PROX2: variants seen among roughly 807,000 people sequenced by gnomAD.
The protein encoded by PROX2 is prospero homeobox 2.
A neutral mutation model predicts 48.9 loss-of-function variants in PROX2; 46 were observed. That is an observed-to-expected ratio of 0.94 (90% CI 0.74 to 1.20). The LOEUF (loss-of-function observed/expected upper bound fraction) is 1.20. PROX2 is among the 50% of genes most tolerant of loss of function. PROX2 has a pLI of 0.00. For synonymous variants in PROX2, 260 were observed against 276.6 expected (o/e 0.94, Z 0.60); for missense variants, 663 against 719.4 (o/e 0.92, Z 0.90).
Position 74,856,821 on chromosome 14 carries a change from T to TG in PROX2, c.1587dup (p.Asn530GlnfsTer5). 1 of 1,613,940 alleles carries TG rather than the reference T, an allele frequency of 6.2e-7. No homozygotes were observed. Among genetic ancestry groups the TG allele is most frequent in the Non-Finnish European group, 8.5e-7 (1 of 1,179,838 alleles). ...CTTACCTCAAAGTCATTTCCCTTGT[T>TG]GTAGTGCATATTGAGAGCTTGAAAA... On this transcript the variant is annotated frameshift_variant, in exon 5 of 6. Transcript: ENST00000556489. LOFTEE classifies it high-confidence loss of function.
rs1054326762 is a variant in PROX2 at position 74,853,698 on chromosome 14, G to T, written c.*1434C>A. 6.6e-6 allele frequency: 1 copy of T among 152,126 alleles called. No homozygotes were observed. Among genetic ancestry groups the T allele is most frequent in the African/African-American group, 2.4e-5 (1 of 41,424 alleles). The allele number at this position is 152,126 out of a possible 1,614,324, so 9.4% of individuals were successfully genotyped here. A position where few individuals can be genotyped will look rare whatever the true frequency, so the allele number is the denominator to read the frequency against. On this transcript the variant is annotated 3_prime_UTR_variant, in exon 6 of 6. Transcript: ENST00000556489. The stretch of plus-strand genomic sequence containing the variant: ...ATATGAAACTTGTTTTATATAGACA[G>T]GAAAGAAGCTAATGAACTCACAGAC...
At position 74,863,247 on chromosome 14, in the gene PROX2, G is replaced by A. The variant is rs1304382490; in HGVS notation, c.588C>T (p.Thr196=). Residue 196 remains threonine, a synonymous_variant, in exon 3 of 6, where the codon ACC becomes ACT. Coordinates refer to ENST00000556489, the MANE Select transcript of PROX2 (RefSeq NM_001243007.2). ...TTTCTGCCCCAGAGAGGTCCTTGCTGGTACCTTGCTGGTGGTCACCGTCCA... is the reference window on the plus strand; with the variant it reads ...TTTCTGCCCCAGAGAGGTCCTTGCTAGTACCTTGCTGGTGGTCACCGTCCA... ...WVVDGDHQQG[T]SKDLSGAEKH... 1.9e-6 allele frequency: 3 copies of A among 1,613,770 alleles called. No homozygotes were observed. Among genetic ancestry groups the A allele is most frequent in the Non-Finnish European group, 2.5e-6 (3 of 1,179,828 alleles).
Position 74,862,892 on chromosome 14 carries a change from G to A in PROX2, c.943C>T (p.Pro315Ser). 2 of 1,613,820 alleles carry A rather than the reference G, an allele frequency of 1.2e-6. No homozygotes were observed. Among genetic ancestry groups the A allele is most frequent in the African/African-American group, 1.3e-5 (1 of 75,020 alleles). Residue 315 changes from proline to serine, a missense_variant, in exon 3 of 6, where the codon CCT becomes TCT. Pro to Ser is a moderately conservative substitution (Grantham distance 74). Coordinates refer to ENST00000556489, the MANE Select transcript of PROX2 (RefSeq NM_001243007.2). ...LAKRLDSPRY[P>S]IPPRMTPKPC... The stretch of plus-strand genomic sequence containing the variant: ...TTGGGGGTCATTCTTGGAGGGATAG[G>A]GTACCTAGGAGAATCTAGACGCTTG...
chr14:74,866,898 GA>G (rs1486714199), intron 2 of PROX2, among the ~76,000 whole-genome samples: 2 of 152,198 alleles, frequency 1.3e-5, no homozygotes, highest in Non-Finnish European at 2.9e-5. Context: ...ATGTAGGCAA[GA>G]GGGGGAGAAT....
chr14:74,863,407 A>G lies in PROX2; in HGVS notation c.428T>C (p.Leu143Pro). Residue 143 changes from leucine to proline, a missense_variant, in exon 3 of 6, where the codon CTA becomes CCA. Coordinates refer to ENST00000556489, the MANE Select transcript of PROX2 (RefSeq NM_001243007.2). ...TAGGATGTGCTCTTGCAGATGTCTT[A>G]GCTGTTGCTTCAGCAGATGAAGTTG... ...REQLHLLKQQLRHLQEHILQA... is the reference protein window; with the variant it reads ...REQLHLLKQQPRHLQEHILQA... The G allele has an allele frequency of 1.2e-6, 2 of 1,613,560 alleles. No homozygotes were observed. Among genetic ancestry groups the G allele is most frequent in the Non-Finnish European group, 1.7e-6 (2 of 1,179,650 alleles).
chr14:74,874,207 G>C, intron 1 of PROX2: 1 of 430,672 alleles, frequency 2.3e-6, no homozygotes, highest in South Asian at 1.7e-5. Flanking sequence ...AATCAAGATA[G>C]ATATGATTTC....
chr14:74,869,815 C>T (rs1031105211), intron 2 of PROX2, among the ~76,000 whole-genome samples: 3 of 152,054 alleles, frequency 2.0e-5, no homozygotes, highest in Admixed American at 6.6e-5. Flanking sequence ...AGTAATCTTG[C>T]TCAGTTTTCA....
At chr14:74,858,021 CA>C (rs2091760283) in intron 4 of PROX2, 2 of 156,402 alleles carry the variant, frequency 1.3e-5, no homozygotes, top group African/African-American at 4.8e-5. Flanking sequence ...CTCGGCCTCC[CA>C]AAGTGCTGGG....
intron 3 of PROX2, chr14:74,861,310 A>G: frequency 2.1e-6 from 2 of 956,574 alleles, no homozygotes; most frequent in Non-Finnish European, 3.0e-6. Context: ...AAAAAGCAAC[A>G]TCCAAAATAT....
At chr14:74,870,766 G>A (rs547901974) in intron 2 of PROX2, among the ~76,000 whole-genome samples, 1 of 152,152 alleles carries the variant, frequency 6.6e-6, no homozygotes, top group South Asian at 2.1e-4. Flanking sequence ...TAGGCCGGGC[G>A]CAGGGGCTCA....
chr14:74,875,027 C>G (rs537937824), intron 1 of PROX2, among the ~76,000 whole-genome samples: 1 of 152,176 alleles, frequency 6.6e-6, no homozygotes, highest in East Asian at 1.9e-4. Context: ...TGCCTGTAAT[C>G]CCAGCTACTC....
At position 74,863,732 on chromosome 14, in the gene PROX2, C is replaced by T. The variant is rs180960227; in HGVS notation, c.103G>A (p.Asp35Asn). The change falls in exon 3 of 6, where the codon GAT (aspartate) becomes AAT (asparagine). Residue 35 changes from aspartate (D) to asparagine (N), a missense_variant. Coordinates refer to ENST00000556489, the MANE Select transcript of PROX2 (RefSeq NM_001243007.2). ...CTCCAGGGAAACGGGGAGTCTCTAT[C>T]CAGCTCTGGAGGGGATGAGCTTCTC... ...GERSSSPPELDRDSPFPWSQV... is the reference protein window; with the variant it reads ...GERSSSPPELNRDSPFPWSQV... 3.0e-3 allele frequency: 4,587 copies of T among 1,533,764 alleles called. 59 individuals are homozygous for T. Among genetic ancestry groups the T allele is most frequent in the Middle Eastern group, 0.027 (151 of 5,644 alleles).
intron 3 of PROX2, among the ~76,000 whole-genome samples, chr14:74,859,635 C>G (rs1468167399): frequency 6.6e-6 from 1 of 152,174 alleles, no homozygotes; most frequent in Non-Finnish European, 1.5e-5. Flanking sequence ...AGGGACAGTC[C>G]TTAGGCTGGG....
rs374223760 is a variant in PROX2 at position 74,861,158 on chromosome 14, C to T, written c.1305+1372G>A. 2.5e-5 allele frequency: 33 copies of T among 1,308,446 alleles called. No homozygotes were observed. The African/African-American group carries it at 3.7e-4, about 15-fold the overall frequency. 81.1% of individuals were successfully genotyped at this position (1,308,446 alleles called of 1,614,324 possible). On this transcript the variant is annotated intron_variant, in intron 3 of 5. Transcript: ENST00000556489. ...GGCATGGTAATGAGCTGGTCCCACC[C>T]CATCCTGCTGCCCTCACAGTAGTTG...
At chr14:74,869,133 T>C (rs1883149633) in intron 2 of PROX2, among the ~76,000 whole-genome samples, 2 of 152,222 alleles carry the variant, frequency 1.3e-5, no homozygotes, top group African/African-American at 2.4e-5. Flanking sequence ...CTCCTACATA[T>C]TTCTTTGGGG....
At chr14:74,855,459 T>C (rs2091736249) in intron 5 of PROX2, 157 bp from the exon 6 acceptor site, 2 of 447,352 alleles carry the variant, frequency 4.5e-6, no homozygotes, top group Non-Finnish European at 7.7e-6. Context: ...AGGACTCCTC[T>C]GCTTCCTCAT....
chr14:74,864,078 A>G (rs1268480255), intron 2 of PROX2, 70 bp from the exon 3 acceptor site: 1 of 344,232 alleles, frequency 2.9e-6, no homozygotes, highest in East Asian at 4.6e-5. Flanking sequence ...TGAATGTGCA[A>G]ACATTCAACG....
At chr14:74,865,709 T>C (rs1883041451) in intron 2 of PROX2, among the ~76,000 whole-genome samples, 2 of 152,012 alleles carry the variant, frequency 1.3e-5, no homozygotes, top group African/African-American at 2.4e-5. Flanking sequence ...CGGGCGCCTA[T>C]AGTCCCAGCT....
Position 74,853,654 on chromosome 14 carries a change from A to G in PROX2, c.*1478T>C, listed in dbSNP as rs1362129210. On this transcript the variant is annotated 3_prime_UTR_variant, in exon 6 of 6. Transcript: ENST00000556489. ...CCAGCAACACCCCACCAGAAAAATT[A>G]TGGAAGTTGAGTAGCCGAATATGAA... is the stretch of plus-strand genomic sequence containing the variant. The G allele has an allele frequency of 1.3e-5, 2 of 152,190 alleles. No homozygotes were observed. The highest frequency in any genetic ancestry group is 4.8e-5 in the African/African-American group (2 of 41,444). 9.4% of individuals were successfully genotyped at this position (152,190 alleles called of 1,614,324 possible).
Sources: allele counts gnomAD v4.1 joint callset (sites outside exome capture counted in the v4.1 genomes callset), GRCh38; gene constraint gnomAD v4.1.1; transcripts MANE v1.5; gene names NCBI Gene and HGNC (gene_info 2026-07-23, HGNC 2026-07-21).